Variants in LNX2 observed in about 807,000 individuals in gnomAD.
LNX2 encodes the protein ligand of Numb protein X 2.
LNX2 carries 35 observed loss-of-function variants against 66.2 expected under a neutral mutation model. The ratio of observed to expected loss-of-function variants is 0.53; its 90% CI spans 0.40 to 0.70. The LOEUF (loss-of-function observed/expected upper bound fraction) is 0.70. LNX2 is among the 30% of genes least tolerant of loss of function. The probability of loss-of-function intolerance (pLI) is 0.00; values close to 1 mark genes in which losing one functional copy is unlikely to be tolerated. For synonymous variants in LNX2, 337 were observed against 315.6 expected, an observed-to-expected ratio of 1.07 and a Z score of -0.72; for missense variants, 791 against 850.8, an observed-to-expected ratio of 0.93 and a Z score of 0.87.
At chr13:27,613,631 G>T (rs150017609) in intron 1 of LNX2, among the ~76,000 whole-genome samples, 6,686 of 152,170 alleles carry the variant, frequency 0.044, 209 homozygotes, top group Non-Finnish European at 0.067. Flanking sequence ...ATCTGGGTGT[G>T]GTGGCGGGTG....
At chr13:27,591,674 T>C (rs994978024) in intron 1 of LNX2, among the ~76,000 whole-genome samples, 2 of 152,166 alleles carry the variant, frequency 1.3e-5, no homozygotes, top group African/African-American at 4.8e-5. Context: ...GGGTTAGGAG[T>C]TGAGCACTGA....
chr13:27,616,271 G>A (rs930555960), intron 1 of LNX2, among the ~76,000 whole-genome samples: 1 of 152,080 alleles, frequency 6.6e-6, no homozygotes, highest in African/African-American at 2.4e-5. Flanking sequence ...TTTGTCTAAA[G>A]CCCTGGGATC....
At chr13:27,605,685 A>G (rs187987463) in intron 1 of LNX2, among the ~76,000 whole-genome samples, 20 of 152,228 alleles carry the variant, frequency 1.3e-4, no homozygotes, top group African/African-American at 4.6e-4. Context: ...AAAAATATCG[A>G]CCTTACAGGG....
At chr13:27,597,040 ACTT>A (rs1955605719) in intron 1 of LNX2, among the ~76,000 whole-genome samples, 1 of 152,146 alleles carries the variant, frequency 6.6e-6, no homozygotes, top group African/African-American at 2.4e-5. Flanking sequence ...TCAATCATAA[ACTT>A]CTTTATCATT....
rs1761148776 is a variant in LNX2, at chr13:27,547,035, AAAT to A, written c.*1297_*1299del. ...TACTTGAAACAACTAATCTCATAAG[AAAT>A]AATGGGAAAAATAATTGTTTCTAAA... is the stretch of plus-strand genomic sequence containing the variant. On this transcript the variant is annotated 3_prime_UTR_variant, in exon 10 of 10. Coordinates refer to ENST00000316334, the MANE Select transcript of LNX2 (RefSeq NM_153371.4). 6.6e-6 allele frequency: 1 copy of A among 152,226 alleles called. No homozygotes were observed. Among genetic ancestry groups the A allele is most frequent in the African/African-American group, 2.4e-5 (1 of 41,468 alleles). The allele number at this position is 152,226 out of a possible 1,614,324, so 9.4% of individuals were successfully genotyped here.
At chr13:27,554,170 T>C (rs1955034278) in intron 7 of LNX2, among the ~76,000 whole-genome samples, 2 of 152,194 alleles carry the variant, frequency 1.3e-5, no homozygotes, top group Admixed American at 1.3e-4. Flanking sequence ...ATCATTCTCA[T>C]TGTAGAAAAT....
intron 5 of LNX2, among the ~76,000 whole-genome samples, chr13:27,560,565 G>GCATATATATATATATA (rs1242930383): frequency 4.2e-5 from 5 of 119,992 alleles, no homozygotes; most frequent in East Asian, 4.5e-4. Flanking sequence ...ATGTATGTGT[G>GCATATATATATATATA]TATATATATA....
chr13:27,593,204 G>A (rs1345551000), intron 1 of LNX2, among the ~76,000 whole-genome samples: 1 of 151,908 alleles, frequency 6.6e-6, no homozygotes, highest in Non-Finnish European at 1.5e-5. Context: ...CTCCACCTGG[G>A]TTCATCCCTT....
intron 1 of LNX2, among the ~76,000 whole-genome samples, chr13:27,609,904 G>A (rs916311448): frequency 5.9e-5 from 9 of 152,062 alleles, no homozygotes; most frequent in East Asian, 1.9e-4. Flanking sequence ...TACATATACC[G>A]GAAAAAGAAT....
At chr13:27,614,156 T>C (rs953886849) in intron 1 of LNX2, among the ~76,000 whole-genome samples, 4 of 152,212 alleles carry the variant, frequency 2.6e-5, no homozygotes, top group Non-Finnish European at 4.4e-5. Flanking sequence ...TTCCCCAAAA[T>C]TCAACCACCT....
At chr13:27,577,765 CACAA>C (rs1231117829) in intron 2 of LNX2, among the ~76,000 whole-genome samples, 2 of 152,262 alleles carry the variant, frequency 1.3e-5, no homozygotes, top group African/African-American at 4.8e-5. Flanking sequence ...TAAACTAGGG[CACAA>C]ACACACAATT....
chr13:27,568,807 G>A (rs1349766924), intron 3 of LNX2, among the ~76,000 whole-genome samples: 4 of 152,134 alleles, frequency 2.6e-5, no homozygotes, highest in South Asian at 2.1e-4. Context: ...CATCTGCCTC[G>A]GGGGTAAGAT....
At position 27,569,014 on chromosome 13, in the gene LNX2, T is replaced by C; in HGVS notation, c.655+15A>G. ...AAATAGAGATGAAATACACAAGGAG[T>C]TGCACCACACATACTGTCAGCTCCA... On this transcript the variant is annotated intron_variant, in intron 3 of 9. Coordinates refer to ENST00000316334, the MANE Select transcript of LNX2 (RefSeq NM_153371.4). 2 of 1,602,420 alleles carry C rather than the reference T, an allele frequency of 1.2e-6. No individual in the cohort carries two copies. The highest frequency in any genetic ancestry group is 1.7e-5 in the Admixed American group (1 of 57,322).
intron 4 of LNX2, among the ~76,000 whole-genome samples, chr13:27,565,920 C>T (rs533945999): frequency 3.9e-5 from 6 of 152,284 alleles, no homozygotes; most frequent in East Asian, 1.9e-4. Context: ...GATTTCTTTT[C>T]AACAACTAAA....
rs776758932 is a variant in LNX2 at position 27,569,081 on chromosome 13, A to C, written c.603T>G (p.Ser201Arg). Reference sequence around the variant, plus strand: ...CAGGGTTGTCAAGGCCAGGCTCCTCACTCCATGTGGAAAGAGACGCTGATG... The same window carrying C: ...CAGGGTTGTCAAGGCCAGGCTCCTCCCTCCATGTGGAAAGAGACGCTGATG... ...HLTSASLSTWSEEPGLDNPAF... is the reference protein window; with the variant it reads ...HLTSASLSTWREEPGLDNPAF... The change falls in exon 3 of 10, where the codon AGT becomes AGG. Residue 201 changes from serine to arginine, a missense_variant. Physicochemically the swap from Ser to Arg is moderately radical, Grantham distance 110. Coordinates refer to ENST00000316334, the MANE Select transcript of LNX2 (RefSeq NM_153371.4). The C allele has an allele frequency of 1.9e-6, 3 of 1,613,580 alleles. No individual in the cohort carries two copies. Among genetic ancestry groups the C allele is most frequent in the Non-Finnish European group, 2.5e-6 (3 of 1,179,834 alleles).
At chr13:27,588,192 T>TA (rs1955512452) in intron 1 of LNX2, among the ~76,000 whole-genome samples, 1 of 152,180 alleles carries the variant, frequency 6.6e-6, no homozygotes, top group South Asian at 2.1e-4. Flanking sequence ...GGTGAAAACT[T>TA]ACATTCACAC....
chr13:27,598,196 G>A (rs1470843948), intron 1 of LNX2, among the ~76,000 whole-genome samples: 4 of 105,064 alleles, frequency 3.8e-5, no homozygotes, highest in Non-Finnish European at 5.5e-5. Flanking sequence ...AAGGGTCTCA[G>A]CACTGTTTAA....
intron 2 of LNX2, among the ~76,000 whole-genome samples, chr13:27,580,129 T>A (rs1484169627): frequency 6.6e-6 from 1 of 152,138 alleles, no homozygotes; most frequent in Non-Finnish European, 1.5e-5. Flanking sequence ...AAAATGAATG[T>A]GTATTTCATG....
chr13:27,583,208 G>GTCCTCTCCAATATAAC lies in LNX2; in HGVS notation c.-100-1406_-100-1405insGTTATATTGGAGAGGA, dbSNP rs1566124667. Among the ~76,000 whole-genome samples, 141 of 18,074 alleles carry GTCCTCTCCAATATAAC rather than the reference G, an allele frequency of 7.8e-3. 10 individuals are homozygous for GTCCTCTCCAATATAAC. The highest frequency in any genetic ancestry group is 0.013 in the African/African-American group (31 of 2,304). 11.9% of individuals were successfully genotyped at this position (18,074 alleles called of 152,430 possible). On this transcript the variant is annotated intron_variant, in intron 1 of 9. Coordinates refer to ENST00000316334, the MANE Select transcript of LNX2 (RefSeq NM_153371.4). ...TGTGTGTGTGTGTGTGTGTGTGTGTGTGTGTGTGTGTGTGTGTGTGTGTGT... is the reference window on the plus strand; with the variant it reads ...TGTGTGTGTGTGTGTGTGTGTGTGTGTCCTCTCCAATATAACTGTGTGTGTGTGTGTGTGTGTGTGT...
Sources: gnomAD v4.1 joint callset for allele counts (sites outside exome capture counted in the v4.1 genomes callset) on GRCh38, gnomAD v4.1.1 for gene constraint, MANE v1.5 for transcripts, NCBI Gene and HGNC (gene_info 2026-07-23, HGNC 2026-07-21) for gene names.